ADCY2: variants seen among roughly 807,000 people sequenced by gnomAD.
ADCY2 encodes the protein adenylate cyclase type 2.
A neutral mutation model predicts 125.2 loss-of-function variants in ADCY2; 31 were observed. The observed-to-expected ratio is 0.25, with a 90% confidence interval of 0.19 to 0.33. The LOEUF is 0.33. Among genes scored for constraint, ADCY2 ranks in the 10% least tolerant of loss-of-function variants. ADCY2 has a pLI of 1.00. For missense variants in ADCY2, 904 were observed against 1,418.2 expected, an observed-to-expected ratio of 0.64 and a Z score of 5.82; for synonymous variants, 512 against 548.4, an observed-to-expected ratio of 0.93 and a Z score of 0.93.
At chr5:7,472,830 G>C (rs1428170345) in intron 2 of ADCY2, among the ~76,000 whole-genome samples, 1 of 152,102 alleles carries the variant, frequency 6.6e-6, no homozygotes, top group Non-Finnish European at 1.5e-5. Flanking sequence ...AGTTTTTTAA[G>C]TGTTATACTG....
Position 7,709,637 on chromosome 5 carries a change from C to A in ADCY2, c.1578+250C>A, listed in dbSNP as rs532018102. Among the ~76,000 whole-genome samples the A allele has an allele frequency of 2.6e-5, 4 of 152,268 alleles. No homozygotes were observed. The highest frequency in any genetic ancestry group is 6.5e-5 in the Admixed American group (1 of 15,304). ...TAACCCAAGACAGTGCTATTTACAACTGATAGTAGCAATTAAATACAACTA... is the reference window on the plus strand; with the variant it reads ...TAACCCAAGACAGTGCTATTTACAAATGATAGTAGCAATTAAATACAACTA... On this transcript the variant is annotated intron_variant, in intron 10 of 24. Transcript: ENST00000338316. This position sits in a 1 kb window ranked among gnomAD's most constrained non-coding sequence, Gnocchi z 4.4.
At position 7,755,437 on chromosome 5, in the gene ADCY2, G is replaced by A. The variant is rs1742963058; in HGVS notation, c.1957-2012G>A. Among the ~76,000 whole-genome samples, 3 of 111,136 alleles carry A rather than the reference G, an allele frequency of 2.7e-5. No homozygotes were observed. The South Asian group carries it at 1.4e-3, about 51-fold the overall frequency. 72.9% of individuals were successfully genotyped at this position (111,136 alleles called of 152,430 possible). A position where few individuals can be genotyped will look rare whatever the true frequency, so the allele number is the denominator to read the frequency against. ...AAAAAACATGGTGGAAAGGAGTAGA[G>A]AGGAGGAGATTTTGTTGTTGTTTAC... On this transcript the variant is annotated intron_variant, in intron 15 of 24. Coordinates refer to ENST00000338316, the MANE Select transcript of ADCY2 (RefSeq NM_020546.3).
chr5:7,428,343 C>T (rs1740464057), intron 2 of ADCY2, among the ~76,000 whole-genome samples: 1 of 152,166 alleles, frequency 6.6e-6, no homozygotes, highest in Non-Finnish European at 1.5e-5. Context: ...GGCTGCTTAT[C>T]TTTGTTAGGG....
chr5:7,609,578 T>A (rs1439620504), intron 3 of ADCY2, among the ~76,000 whole-genome samples: 1 of 152,226 alleles, frequency 6.6e-6, no homozygotes, highest in Non-Finnish European at 1.5e-5. Context: ...AAGTTCTATA[T>A]GGATTACCCA....
intron 18 of ADCY2, 129 bp from the exon 19 acceptor site, chr5:7,784,236 T>C: frequency 6.2e-6 from 4 of 648,710 alleles, no homozygotes; most frequent in Non-Finnish European, 1.1e-5. Flanking sequence ...ATTTGAAACT[T>C]GTGTTTGGCT....
At position 7,600,766 on chromosome 5, in the gene ADCY2, T is replaced by A. The variant is rs926769023; in HGVS notation, c.571-25401T>A. Among the ~76,000 whole-genome samples the A allele has an allele frequency of 2.0e-5, 3 of 152,290 alleles. No homozygotes were observed. The East Asian group carries it at 5.8e-4, about 29-fold the overall frequency. On this transcript the variant is annotated intron_variant, in intron 3 of 24. Transcript: ENST00000338316. ...GTCTGGTGGGTAAATTCAGACCATC[T>A]GTGGTGAGTTCCCATTAAATAGGCT...
At chr5:7,720,624 C>A (rs1561186620) in intron 12 of ADCY2, among the ~76,000 whole-genome samples, 1 of 151,962 alleles carries the variant, frequency 6.6e-6, no homozygotes, top group Non-Finnish European at 1.5e-5. Context: ...TCAGTTCCCA[C>A]CTATGAGTGA....
intron 16 of ADCY2, among the ~76,000 whole-genome samples, chr5:7,759,811 C>G (rs184027671): frequency 2.6e-5 from 4 of 152,010 alleles, no homozygotes; most frequent in Admixed American, 6.6e-5. Flanking sequence ...GATAGAAACG[C>G]CAGGGCTCAG....
chr5:7,758,232 A>G (rs1349708558), intron 16 of ADCY2, among the ~76,000 whole-genome samples: 1 of 152,244 alleles, frequency 6.6e-6, no homozygotes, highest in African/African-American at 2.4e-5. Context: ...CACTTAGGAC[A>G]GTCCTGGCCA....
intron 2 of ADCY2, among the ~76,000 whole-genome samples, chr5:7,490,807 C>T (rs1255434061): frequency 6.6e-6 from 1 of 152,110 alleles, no homozygotes; most frequent in African/African-American, 2.4e-5. Flanking sequence ...ACAGACATGT[C>T]ACTTAACTGG....
intron 3 of ADCY2, among the ~76,000 whole-genome samples, chr5:7,603,815 G>GTTTTTTTTTTTTTTTTTTTTTTTTTTTT (rs1277338369): frequency 1.5e-5 from 1 of 68,460 alleles, no homozygotes; most frequent in Non-Finnish European, 2.9e-5. Context: ...TTTTTCTTTT[G>GTTTTTTTTTTTTTTTTTTTTTTTTTTTT]TTTTTTTTTT....
chr5:7,805,748 C>T (rs1299292392), intron 22 of ADCY2, among the ~76,000 whole-genome samples: 1 of 152,138 alleles, frequency 6.6e-6, no homozygotes, highest in Non-Finnish European at 1.5e-5. Flanking sequence ...TAACAGAGCT[C>T]CCTCTTCCAG....
intron 4 of ADCY2, among the ~76,000 whole-genome samples, chr5:7,634,733 G>A (rs1738435361): frequency 6.6e-6 from 1 of 151,586 alleles, no homozygotes; most frequent in South Asian, 2.1e-4. Flanking sequence ...TTAGGTGCTG[G>A]CAATTTTCCC....
intron 4 of ADCY2, among the ~76,000 whole-genome samples, chr5:7,642,683 C>T (rs1738751035): frequency 6.6e-6 from 1 of 151,996 alleles, no homozygotes; most frequent in African/African-American, 2.4e-5. Context: ...CCAAGGTCAA[C>T]ATTAAATAAA....
intron 4 of ADCY2, among the ~76,000 whole-genome samples, chr5:7,652,267 A>G (rs1739123521): frequency 6.6e-6 from 1 of 152,184 alleles, no homozygotes; most frequent in Non-Finnish European, 1.5e-5. Context: ...TACCTTTCCC[A>G]TTAAGTAGTG....
intron 5 of ADCY2, 155 bp downstream of exon 5, chr5:7,690,994 C>T: frequency 1.2e-6 from 1 of 821,138 alleles, no homozygotes; most frequent in Non-Finnish European, 1.7e-6. Flanking sequence ...TCCCACTCAC[C>T]TGTTCCTGCC....
intron 13 of ADCY2, 31 bp downstream of exon 13, chr5:7,724,645 T>C (rs557618697): frequency 1.6e-5 from 24 of 1,465,226 alleles, no homozygotes; most frequent in Admixed American, 1.5e-4. Context: ...AAATCATCAA[T>C]CGAGTTTTCT....
intron 14 of ADCY2, among the ~76,000 whole-genome samples, chr5:7,734,137 G>A (rs1742181605): frequency 6.6e-6 from 1 of 152,200 alleles, no homozygotes; most frequent in Non-Finnish European, 1.5e-5. Context: ...CCACGCAACA[G>A]ATGTGAGTGG....
intron 10 of ADCY2, among the ~76,000 whole-genome samples, chr5:7,711,473 C>T (rs1741438400): frequency 6.6e-6 from 1 of 152,146 alleles, no homozygotes; most frequent in South Asian, 2.1e-4. Flanking sequence ...TATAAATAGT[C>T]GAATGTGATT....
Sources: allele counts gnomAD v4.1 joint callset (sites outside exome capture counted in the v4.1 genomes callset), GRCh38; gene constraint gnomAD v4.1.1; non-coding constraint Gnocchi (gnomAD v3.1); transcripts MANE v1.5; gene names NCBI Gene and HGNC (gene_info 2026-07-23, HGNC 2026-07-21).